The following RYR3 variants were observed in gnomAD, a reference collection of about 807,000 sequenced individuals.
The protein encoded by RYR3 is brain ryanodine receptor-calcium release channel.
Under a neutral mutation model 584.3 loss-of-function variants are expected in RYR3, and 207 were observed. The ratio of observed to expected loss-of-function variants is 0.35; its 90% CI spans 0.32 to 0.40. The LOEUF is 0.40. Ranked by LOEUF, RYR3 falls within the 10% of genes least tolerant of loss-of-function variation. The probability of loss-of-function intolerance (pLI) is 1.00; values close to 1 mark genes in which losing one functional copy is unlikely to be tolerated. For synonymous variants in RYR3, 2,416 were observed against 2,248.5 expected, an observed-to-expected ratio of 1.07 and a Z score of -2.11; for missense variants, 5,616 against 6,089.2, an observed-to-expected ratio of 0.92 and a Z score of 2.59.
intron 52 of RYR3, among the ~76,000 whole-genome samples, chr15:33,743,203 A>C (rs1345592231): frequency 1.3e-5 from 2 of 152,186 alleles, no homozygotes; most frequent in African/African-American, 4.8e-5. Context: ...ACCTTGAACC[A>C]CCAGCTCAGC....
chr15:33,826,645 T>C, intron 83 of RYR3, 27 bp from the exon 84 acceptor site: 6 of 1,580,770 alleles, frequency 3.8e-6, no homozygotes, highest in South Asian at 1.1e-5. Flanking sequence ...GCCAAACCAA[T>C]GCTCATCAAC....
intron 1 of RYR3, among the ~76,000 whole-genome samples, chr15:33,359,836 T>A (rs569626055): frequency 6.6e-6 from 1 of 152,030 alleles, no homozygotes; most frequent in East Asian, 1.9e-4. Context: ...TTAGCCAGGA[T>A]GGTCTCGATC....
At chr15:33,791,844 TAGAA>T (rs2075180262) in intron 67 of RYR3, among the ~76,000 whole-genome samples, 1 of 151,822 alleles carries the variant, frequency 6.6e-6, no homozygotes, top group Non-Finnish European at 1.5e-5. Context: ...GGACAGAAAA[TAGAA>T]AGCCTAATGT....
At position 33,662,902 on chromosome 15, in the gene RYR3, T is replaced by C. The variant is rs1231413524; in HGVS notation, c.5372T>C (p.Val1791Ala). Residue 1791 changes from valine (V) to alanine (A), a missense_variant, in exon 35 of 104, where the codon GTC (valine) becomes GCC (alanine). Val to Ala is a moderately conservative substitution (Grantham distance 64). Around this residue, in one of 9 missense-constraint regions of RYR3, gnomAD observed 753 missense variants for 741.0 expected, o/e 1.02. Coordinates refer to ENST00000634891, the MANE Select transcript of RYR3 (RefSeq NM_001036.6). ...GAGAAGGCCGGCAAGGAGGCTCCTG[T>C]CAAAGGCTTGTTGCAGACTCGATTA... ...AGEKAGKEAP[V>A]KGLLQTRLPE... The C allele has an allele frequency of 6.8e-6, 11 of 1,613,234 alleles. No homozygotes were observed. Among genetic ancestry groups the C allele is most frequent in the South Asian group, 1.1e-5 (1 of 91,050 alleles).
At chr15:33,326,123 T>C (rs930576824) in intron 1 of RYR3, among the ~76,000 whole-genome samples, 6 of 151,968 alleles carry the variant, frequency 3.9e-5, no homozygotes, top group Non-Finnish European at 8.8e-5. Context: ...CTTACACGAG[T>C]CTGTTGAGGT....
chr15:33,672,994 G>C (rs894880478), intron 38 of RYR3, among the ~76,000 whole-genome samples: 4 of 152,206 alleles, frequency 2.6e-5, no homozygotes, highest in Non-Finnish European at 1.5e-5. Context: ...AGTGAGTAAA[G>C]CTATGGCTTG....
intron 12 of RYR3, among the ~76,000 whole-genome samples, chr15:33,570,995 G>A (rs1567562704): frequency 6.6e-6 from 1 of 152,090 alleles, no homozygotes; most frequent in Non-Finnish European, 1.5e-5. Flanking sequence ...TTTACATACA[G>A]GATTATGTCA....
chr15:33,410,066 A>G (rs563734695), intron 1 of RYR3, among the ~76,000 whole-genome samples: 1 of 152,216 alleles, frequency 6.6e-6, no homozygotes, highest in African/African-American at 2.4e-5. Flanking sequence ...TTTTTTTCTG[A>G]ACATAGAAAA....
chr15:33,341,616 G>A (rs1275003869), intron 1 of RYR3, among the ~76,000 whole-genome samples: 1 of 152,088 alleles, frequency 6.6e-6, no homozygotes, highest in East Asian at 1.9e-4. Flanking sequence ...CCATCTAGAA[G>A]CAGGAGGGGA....
intron 1 of RYR3, among the ~76,000 whole-genome samples, chr15:33,397,071 T>C (rs1455818654): frequency 2.0e-5 from 3 of 152,236 alleles, no homozygotes; most frequent in African/African-American, 7.2e-5. Flanking sequence ...ATTTTTGTTA[T>C]ATATTGTTAA....
chr15:33,780,058 T>C (rs1016260700), intron 64 of RYR3, among the ~76,000 whole-genome samples, 153 bp from the exon 65 acceptor site: 7 of 151,964 alleles, frequency 4.6e-5, no homozygotes, highest in African/African-American at 1.5e-4. Flanking sequence ...GGTTAGTGTC[T>C]AGAGAAAGAG....
rs1450450145 is a variant in RYR3 at position 33,464,489 on chromosome 15, T to TATATATATATATATATATATACACAC, written c.52-8929_52-8928insTATATATATATATATATATACACACA. ...ATATATATATATATATATATATATATACACATATATATATACATACACATA... is the reference window on the plus strand; with the variant it reads ...ATATATATATATATATATATATATATATATATATATATATATATATACACACACACATATATATATACATACACATA... On this transcript the variant is annotated intron_variant, in intron 1 of 103. Transcript: ENST00000634891. 1.3e-3 allele frequency among the ~76,000 whole-genome samples: 90 copies of TATATATATATATATATATATACACAC among 67,412 alleles called. 2 individuals are homozygous for TATATATATATATATATATATACACAC. Among genetic ancestry groups the TATATATATATATATATATATACACAC allele is most frequent in the African/African-American group, 7.4e-3 (89 of 11,972 alleles). 44.2% of individuals were successfully genotyped at this position (67,412 alleles called of 152,430 possible). A position where few individuals can be genotyped will look rare whatever the true frequency, so the allele number is the denominator to read the frequency against.
At chr15:33,573,472 C>T (rs1344016827) in intron 12 of RYR3, among the ~76,000 whole-genome samples, 3 of 152,182 alleles carry the variant, frequency 2.0e-5, no homozygotes, top group Non-Finnish European at 2.9e-5. Context: ...CATGCTATCT[C>T]ATCATCCTCT....
Position 33,601,463 on chromosome 15 carries a change from A to G in RYR3, c.1833A>G (p.Ala611=), listed in dbSNP as rs770965771. Residue 611 remains alanine (A), a synonymous_variant, in exon 17 of 104, where the codon GCA becomes GCG. Coordinates refer to ENST00000634891, the MANE Select transcript of RYR3 (RefSeq NM_001036.6). ...LCSLCLCNGV[A]VRANQNLICD... is the part of the protein sequence containing the mutation. ...CCCTCTGTCTCTGCAATGGGGTTGC[A>G]GTGAGAGCCAACCAGAATCTGATCT... 7 of 1,613,384 alleles carry G rather than the reference A, an allele frequency of 4.3e-6. No homozygotes were observed. The South Asian group carries it at 6.6e-5, about 15-fold the overall frequency.
chr15:33,702,467 G>A (rs1312514037), intron 42 of RYR3, among the ~76,000 whole-genome samples: 3 of 152,160 alleles, frequency 2.0e-5, no homozygotes. Context: ...CACAGGACAA[G>A]TTGCAGCCAT....
At chr15:33,810,872 T>TA (rs1254337583) in intron 71 of RYR3, 106 bp from the exon 72 acceptor site, 2 of 1,146,084 alleles carry the variant, frequency 1.7e-6, no homozygotes, top group East Asian at 2.6e-5. Context: ...GTTCTTCTGA[T>TA]AAAGATCCCA....
intron 1 of RYR3, among the ~76,000 whole-genome samples, chr15:33,324,635 CT>C (rs1408011512): frequency 6.6e-6 from 1 of 152,120 alleles, no homozygotes; most frequent in African/African-American, 2.4e-5. Flanking sequence ...AAGTTTTGTT[CT>C]TTTCTTTGCT....
chr15:33,844,589 A>G (rs1204919447), intron 92 of RYR3, among the ~76,000 whole-genome samples: 1 of 152,224 alleles, frequency 6.6e-6, no homozygotes, highest in Non-Finnish European at 1.5e-5. Flanking sequence ...CATAAGGATT[A>G]TAAGCATATG....
At chr15:33,766,814 C>T (rs1220349722) in intron 60 of RYR3, among the ~76,000 whole-genome samples, 1 of 152,244 alleles carries the variant, frequency 6.6e-6, no homozygotes, top group Admixed American at 6.5e-5. Flanking sequence ...GTCTCAGACT[C>T]TCCCTGAGAT....
Sources: gnomAD v4.1 joint callset for allele counts (sites outside exome capture counted in the v4.1 genomes callset) on GRCh38, gnomAD v4.1.1 for gene constraint, gnomAD v4.1.1 regional missense constraint, MANE v1.5 for transcripts, NCBI Gene and HGNC (gene_info 2026-07-23, HGNC 2026-07-21) for gene names.